SEPHS1: variants seen among roughly 807,000 people sequenced by gnomAD.
SEPHS1 encodes selenophosphate synthetase 1, also known as zincore component SEPHS1.
A neutral mutation model predicts 39.2 loss-of-function variants in SEPHS1; 7 were observed. The observed-to-expected ratio is 0.18, with a 90% CI of 0.10 to 0.34. The LOEUF is 0.34. Ranked by LOEUF, SEPHS1 falls within the 10% of genes least tolerant of loss-of-function variation. SEPHS1 has a pLI of 1.00. For missense variants in SEPHS1, 253 were observed against 514.5 expected, an observed-to-expected ratio of 0.49 and a Z score of 4.92; for synonymous variants, 190 against 195.5, an observed-to-expected ratio of 0.97 and a Z score of 0.23.
chr10:13,327,367 T>C (rs888608161), intron 7 of SEPHS1, among the ~76,000 whole-genome samples: 7 of 151,412 alleles, frequency 4.6e-5, no homozygotes, highest in African/African-American at 1.7e-4. Context: ...TGAAAACTTA[T>C]ACTAACCACT....
chr10:13,335,492 C>T (rs982253518), intron 4 of SEPHS1, among the ~76,000 whole-genome samples: 6 of 151,786 alleles, frequency 4.0e-5, no homozygotes, highest in Non-Finnish European at 7.4e-5. Context: ...GGTGAAACCC[C>T]ATCTCTACTG....
chr10:13,341,302 C>T (rs944567723), intron 2 of SEPHS1, among the ~76,000 whole-genome samples: 40 of 152,076 alleles, frequency 2.6e-4, no homozygotes, highest in Non-Finnish European at 4.0e-4. Context: ...GCCACAGGGT[C>T]GGGGAAGCCT....
chr10:13,323,197 G>A (rs74932714), intron 7 of SEPHS1, 150 bp from the exon 8 acceptor site: 17 of 682,018 alleles, frequency 2.5e-5, no homozygotes, highest in Non-Finnish European at 3.0e-5. Flanking sequence ...CAAAGACATA[G>A]TGAAATTCCA....
At chr10:13,323,713 T>G (rs779414614) in intron 7 of SEPHS1, among the ~76,000 whole-genome samples, 1 of 151,990 alleles carries the variant, frequency 6.6e-6, no homozygotes, top group Non-Finnish European at 1.5e-5. Flanking sequence ...GAAAGGTGAA[T>G]TGCGTGCAAG....
At chr10:13,337,941 C>T (rs1833685509) in intron 3 of SEPHS1, among the ~76,000 whole-genome samples, 1 of 152,240 alleles carries the variant, frequency 6.6e-6, no homozygotes, top group African/African-American at 2.4e-5. Flanking sequence ...CCTGATCCCA[C>T]TGTCCTTGCC....
chr10:13,340,070 A>C (rs958189876), intron 2 of SEPHS1, among the ~76,000 whole-genome samples: 1 of 152,158 alleles, frequency 6.6e-6, no homozygotes, highest in Non-Finnish European at 1.5e-5. Context: ...AGTTTAAATC[A>C]TATCTGAATC....
At chr10:13,324,778 T>C (rs957679820) in intron 7 of SEPHS1, among the ~76,000 whole-genome samples, 1 of 152,200 alleles carries the variant, frequency 6.6e-6, no homozygotes, top group African/African-American at 2.4e-5. Context: ...GCCCAGCTAA[T>C]TTTTTGTATT....
chr10:13,330,231 T>A (rs1833424163), intron 5 of SEPHS1, among the ~76,000 whole-genome samples: 1 of 152,188 alleles, frequency 6.6e-6, no homozygotes, highest in African/African-American at 2.4e-5. Context: ...CCCACTAGCA[T>A]TCAAAAGCTT....
intron 8 of SEPHS1, 37 bp from the exon 9 acceptor site, chr10:13,319,393 C>T (rs774413235): frequency 6.2e-7 from 1 of 1,602,728 alleles, no homozygotes; most frequent in Admixed American, 1.7e-5. Flanking sequence ...TTAGTGTTGA[C>T]ATGACAGCAG....
intron 1 of SEPHS1, among the ~76,000 whole-genome samples, chr10:13,345,744 G>A (rs1833903292): frequency 1.3e-5 from 2 of 152,196 alleles, no homozygotes; most frequent in South Asian, 2.1e-4. Context: ...GGGCGTGGTG[G>A]TGCGCACCTG....
At chr10:13,321,984 GT>G (rs1433881471) in intron 8 of SEPHS1, 1 of 446,942 alleles carries the variant, frequency 2.2e-6, no homozygotes, top group African/African-American at 2.0e-5. Flanking sequence ...CTGCACTGCT[GT>G]CTGATGGCTC....
At chr10:13,330,998 C>T (rs924794050) in intron 5 of SEPHS1, among the ~76,000 whole-genome samples, 8 of 152,004 alleles carry the variant, frequency 5.3e-5, no homozygotes, top group Non-Finnish European at 7.4e-5. Flanking sequence ...CCCCTACCCC[C>T]GACAGGCCCT....
At chr10:13,319,629 A>G (rs1314106509) in intron 8 of SEPHS1, among the ~76,000 whole-genome samples, 4 of 152,114 alleles carry the variant, frequency 2.6e-5, no homozygotes, top group Non-Finnish European at 5.9e-5. Context: ...CTGTGATTAC[A>G]AGTGTGCACC....
At chr10:13,329,964 T>C (rs948091287) in intron 5 of SEPHS1, among the ~76,000 whole-genome samples, 176 bp from the exon 6 acceptor site, 3 of 152,240 alleles carry the variant, frequency 2.0e-5, no homozygotes, top group Non-Finnish European at 2.9e-5. Flanking sequence ...ACTGAGGCTA[T>C]TGCTGGAACA....
At chr10:13,323,293 C>T (rs1409552544) in intron 7 of SEPHS1, among the ~76,000 whole-genome samples, 1 of 152,114 alleles carries the variant, frequency 6.6e-6, no homozygotes, top group Non-Finnish European at 1.5e-5. Flanking sequence ...AAAAACTATG[C>T]AGAGGGATTA....
At chr10:13,329,082 T>A (rs1360199411) in intron 6 of SEPHS1, among the ~76,000 whole-genome samples, 1 of 152,236 alleles carries the variant, frequency 6.6e-6, no homozygotes, top group Admixed American at 6.5e-5. Context: ...CCATGATATG[T>A]GAGAATATAC....
chr10:13,344,289 G>C (rs1368008354), intron 2 of SEPHS1, among the ~76,000 whole-genome samples: 2 of 152,126 alleles, frequency 1.3e-5, no homozygotes, highest in Non-Finnish European at 2.9e-5. Context: ...TAGGAAAAGG[G>C]AATAAAGTAT....
intron 7 of SEPHS1, among the ~76,000 whole-genome samples, chr10:13,325,831 C>A (rs111312149): frequency 9.0e-5 from 12 of 133,444 alleles, no homozygotes; most frequent in African/African-American, 3.2e-4. Flanking sequence ...CTGAGAGGCA[C>A]AGGTTGCAGT....
intron 1 of SEPHS1, among the ~76,000 whole-genome samples, chr10:13,347,106 T>C (rs1248120861): frequency 6.6e-6 from 1 of 152,186 alleles, no homozygotes; most frequent in Non-Finnish European, 1.5e-5. Context: ...CGCAGCCACA[T>C]GTTTACGCCT....
Sources: gnomAD v4.1 joint callset for allele counts (sites outside exome capture counted in the v4.1 genomes callset) on GRCh38, gnomAD v4.1.1 for gene constraint, MANE v1.5 for transcripts, NCBI Gene and HGNC (gene_info 2026-07-23, HGNC 2026-07-21) for gene names.